MRTFB: variants seen among roughly 807,000 people sequenced by gnomAD.
The protein encoded by MRTFB is myocardin-related transcription factor B.
Under a neutral mutation model 104.2 loss-of-function variants are expected in MRTFB, and 29 were observed. The observed-to-expected ratio is 0.28, with a 90% CI of 0.21 to 0.38. The LOEUF is 0.38. MRTFB is among the 10% of genes least tolerant of loss of function. The pLI is 1.00. For synonymous variants in MRTFB, 535 were observed against 519.5 expected (o/e 1.03, Z -0.41); for missense variants, 1,270 against 1,341.6 (o/e 0.95, Z 0.83).
chr16:14,100,132 C>T (rs2035620887), intron 2 of MRTFB, among the ~76,000 whole-genome samples: 1 of 152,154 alleles, frequency 6.6e-6, no homozygotes, highest in Admixed American at 6.5e-5. Flanking sequence ...CTAGCAGAGC[C>T]TGTGTAATGT....
the MRTFB span, among the ~76,000 whole-genome samples, chr16:14,038,521 A>G: frequency 6.1e-4 from 93 of 152,306 alleles, 1 homozygote; most frequent in African/African-American, 2.1e-3. Context: ...CATGAGGAAG[A>G]AAGTGTTTGA....
intron 2 of MRTFB, among the ~76,000 whole-genome samples, chr16:14,097,374 C>A (rs1362728051): frequency 6.6e-6 from 1 of 152,150 alleles, no homozygotes; most frequent in Non-Finnish European, 1.5e-5. Context: ...TCCAGGAAGA[C>A]CGGTTTGTTC....
intron 2 of MRTFB, among the ~76,000 whole-genome samples, chr16:14,110,347 A>G (rs909534338): frequency 4.9e-4 from 75 of 152,308 alleles, no homozygotes; most frequent in African/African-American, 1.8e-3. Flanking sequence ...GGCAAATAGG[A>G]AACTGAGAAT....
chr16:14,230,220 G>T (rs1046137149), intron 8 of MRTFB, among the ~76,000 whole-genome samples: 6 of 152,134 alleles, frequency 3.9e-5, no homozygotes, highest in Non-Finnish European at 8.8e-5. Context: ...ACATAGGCAT[G>T]GGCGAGGACT....
At chr16:14,229,553 C>G (rs576017881) in intron 8 of MRTFB, among the ~76,000 whole-genome samples, 2 of 152,162 alleles carry the variant, frequency 1.3e-5, no homozygotes, top group African/African-American at 4.8e-5. Flanking sequence ...AGGAACAGTC[C>G]GGAAGCAATG....
In MRTFB at chr16:14,149,204, A is replaced by T. The variant is rs550051388; in HGVS notation, c.154+8444A>T. 5.9e-5 allele frequency: 9 copies of T among 152,278 alleles called. No homozygotes were observed. The South Asian group carries it at 1.5e-3, about 25-fold the overall frequency. 9.4% of individuals were successfully genotyped at this position (152,278 alleles called of 1,614,324 possible). On this transcript the variant is annotated intron_variant, in intron 3 of 16. Coordinates refer to ENST00000571589, the MANE Select transcript of MRTFB (RefSeq NM_001308142.2). ...AAAAGATAATTTTCAGCTCTTTTTA[A>T]AGCCAAAATTCATATTTTTATGGTA... is the stretch of plus-strand genomic sequence containing the variant.
chr16:14,123,500 G>C (rs2036956720), intron 2 of MRTFB, among the ~76,000 whole-genome samples: 1 of 152,126 alleles, frequency 6.6e-6, no homozygotes, highest in Admixed American at 6.5e-5. Flanking sequence ...TCTGCATGTG[G>C]CTAGCCAGTT....
chr16:14,080,611 G>A (rs915994569), intron 2 of MRTFB, among the ~76,000 whole-genome samples: 1 of 152,014 alleles, frequency 6.6e-6, no homozygotes, highest in African/African-American at 2.4e-5. Flanking sequence ...TATCTAACTG[G>A]AATTTTGTAT....
At chr16:14,100,132 C>CT (rs2035621059) in intron 2 of MRTFB, among the ~76,000 whole-genome samples, 3 of 152,154 alleles carry the variant, frequency 2.0e-5, no homozygotes, top group Admixed American at 2.0e-4. Flanking sequence ...CTAGCAGAGC[C>CT]TGTGTAATGT....
chr16:14,067,372 G>A (rs112824348), upstream of MRTFB, among the ~76,000 whole-genome samples: 8 of 151,950 alleles, frequency 5.3e-5, no homozygotes, highest in African/African-American at 9.7e-5. Flanking sequence ...ATAGGCATGC[G>A]CCACCACACC....
chr16:14,017,743 GTC>G, the MRTFB span, among the ~76,000 whole-genome samples: 1 of 92,298 alleles, frequency 1.1e-5, no homozygotes, highest in East Asian at 3.4e-4. Context: ...TTGAGACAGG[GTC>G]TCTCTCTTTC....
chr16:14,063,679 A>G, the MRTFB span, among the ~76,000 whole-genome samples: 1 of 152,192 alleles, frequency 6.6e-6, no homozygotes, highest in Non-Finnish European at 1.5e-5. Flanking sequence ...CTGTTGGTCA[A>G]TCTGAGCTCA....
At chr16:14,247,759 C>G in intron 12 of MRTFB, 1 of 486,052 alleles carries the variant, frequency 2.1e-6, no homozygotes, top group Non-Finnish European at 3.7e-6. Context: ...ATCATCCATG[C>G]AGACATTTTT....
chr16:14,008,711 CA>C, the MRTFB span, among the ~76,000 whole-genome samples: 1 of 152,044 alleles, frequency 6.6e-6, no homozygotes, highest in Admixed American at 6.6e-5. Flanking sequence ...TTAACTTCTG[CA>C]AAAAAGTTAG....
At chr16:14,187,448 A>C (rs1323340533) in intron 3 of MRTFB, among the ~76,000 whole-genome samples, 3 of 152,168 alleles carry the variant, frequency 2.0e-5, no homozygotes, top group Non-Finnish European at 2.9e-5. Context: ...TTTTCAGTTA[A>C]GATGCTTATG....
Position 14,199,241 on chromosome 16 carries a change from T to G in MRTFB, c.155-11002T>G, listed in dbSNP as rs139970372. ...GTTCCCTCCGCCTTTTTAGGCAGCT[T>G]CCTCTGCCTTCCTTTGTTGGATCTT... On this transcript the variant is annotated intron_variant, in intron 3 of 16. Transcript: ENST00000571589. Among the ~76,000 whole-genome samples, 798 of 152,356 alleles carry G rather than the reference T, an allele frequency of 5.2e-3. 5 individuals carry two copies. The highest frequency in any genetic ancestry group is 0.018 in the African/African-American group (769 of 41,586).
chr16:14,088,862 A>G (rs975235678), intron 2 of MRTFB, among the ~76,000 whole-genome samples: 3 of 152,256 alleles, frequency 2.0e-5, no homozygotes, highest in Admixed American at 2.0e-4. Context: ...AAAGAGAAGC[A>G]GTTCTGATAA....
rs977118313 is a variant in MRTFB, at chr16:14,266,723, A to C, written c.*5279A>C. The C allele has an allele frequency of 6.6e-6, 1 of 152,230 alleles. No homozygotes were observed. Among genetic ancestry groups the C allele is most frequent in the Non-Finnish European group, 1.5e-5 (1 of 68,034 alleles). The allele number at this position is 152,230 out of a possible 1,614,324, so 9.4% of individuals were successfully genotyped here. A position where few individuals can be genotyped will look rare whatever the true frequency, so the allele number is the denominator to read the frequency against. ...TGTAGCTGATCGGGAAATGTTTGAT[A>C]TCTCAGCAATTTTGCATTTTTGTGT... On this transcript the variant is annotated 3_prime_UTR_variant, in exon 17 of 17. Coordinates refer to ENST00000571589, the MANE Select transcript of MRTFB (RefSeq NM_001308142.2).
At chr16:14,251,794 AT>A in intron 13 of MRTFB, 67 bp from the exon 14 acceptor site, 1 of 1,563,446 alleles carries the variant, frequency 6.4e-7, no homozygotes, top group Non-Finnish European at 8.7e-7. Context: ...GTCCTAAAAC[AT>A]GGTTTTCTTT....
Sources: allele counts gnomAD v4.1 joint callset (sites outside exome capture counted in the v4.1 genomes callset), GRCh38; gene constraint gnomAD v4.1.1; transcripts MANE v1.5; gene names NCBI Gene and HGNC (gene_info 2026-07-23, HGNC 2026-07-21).